ERC2: variants seen among roughly 807,000 people sequenced by gnomAD.
ERC2 encodes the protein ELKS/RAB6-interacting/CAST family member 2.
Under a neutral mutation model 114.8 loss-of-function variants are expected in ERC2, and 42 were observed. The observed-to-expected ratio is 0.37, with a 90% confidence interval of 0.29 to 0.47. ERC2 has a LOEUF of 0.47. Ranked by LOEUF, ERC2 falls within the 20% of genes least tolerant of loss-of-function variation. The probability of loss-of-function intolerance (pLI) is 0.99; values close to 1 mark genes in which losing one functional copy is unlikely to be tolerated. For missense variants in ERC2, 939 were observed against 1,150.7 expected (o/e 0.82, Z 2.66); for synonymous variants, 454 against 425.5 (o/e 1.07, Z -0.82).
intron 14 of ERC2, among the ~76,000 whole-genome samples, chr3:55,868,798 T>C (rs1195730599): frequency 6.6e-6 from 1 of 152,200 alleles, no homozygotes; most frequent in East Asian, 1.9e-4. Context: ...ATCGTATTAT[T>C]TCAAGTATTG....
intron 3 of ERC2, among the ~76,000 whole-genome samples, chr3:56,198,245 C>T (rs2048219705): frequency 6.6e-6 from 1 of 152,156 alleles, no homozygotes; most frequent in African/African-American, 2.4e-5. Context: ...AGCTCCTTGC[C>T]CTAGAAATTC....
chr3:56,032,945 A>C (rs1426796289), intron 7 of ERC2, among the ~76,000 whole-genome samples: 1,144 of 89,802 alleles, frequency 0.013, 56 homozygotes, highest in Non-Finnish European at 0.015. Context: ...GAAAGAAAGA[A>C]AGAAAGAAAG....
At chr3:55,944,039 C>T (rs994755720) in intron 13 of ERC2, among the ~76,000 whole-genome samples, 56 of 152,104 alleles carry the variant, frequency 3.7e-4, no homozygotes, top group African/African-American at 1.3e-3. Flanking sequence ...AATAGGATAA[C>T]GTCTAAAAAA....
chr3:56,142,012 T>G (rs1342871079), intron 5 of ERC2, among the ~76,000 whole-genome samples: 1 of 152,226 alleles, frequency 6.6e-6, no homozygotes. Flanking sequence ...TTGGAATTTT[T>G]TTTTTACACT....
chr3:55,563,780 G>T (rs2107491928), intron 17 of ERC2, among the ~76,000 whole-genome samples: 1 of 148,932 alleles, frequency 6.7e-6, no homozygotes, highest in Middle Eastern at 3.4e-3. Flanking sequence ...TAGAGAGATA[G>T]ACAGAGACAG....
rs1158730928 is a variant in ERC2 at position 55,683,941 on chromosome 3, A to G, written c.2848-82T>C. The G allele has an allele frequency of 2.0e-6, 3 of 1,470,188 alleles. No homozygotes were observed. The African/African-American group carries it at 4.3e-5, about 21-fold the overall frequency. The allele number at this position is 1,470,188 out of a possible 1,614,324, so 91.1% of individuals were successfully genotyped here. ...AGAAGAGAAGGTTAGTTACACCGAG[A>G]TGCACTGGAAAGGCACACTAATCTT... On this transcript the variant is annotated intron_variant, in intron 16 of 17. Coordinates refer to ENST00000288221, the MANE Select transcript of ERC2 (RefSeq NM_015576.3).
At chr3:56,328,002 C>T (rs2057443511) in intron 2 of ERC2, among the ~76,000 whole-genome samples, 1 of 152,188 alleles carries the variant, frequency 6.6e-6, no homozygotes. Flanking sequence ...TGAATAAGGT[C>T]TAGCCTTCAT....
intron 15 of ERC2, among the ~76,000 whole-genome samples, chr3:55,717,182 G>GGC (rs2064174360): frequency 1.3e-5 from 2 of 152,182 alleles, no homozygotes; most frequent in Admixed American, 1.3e-4. Flanking sequence ...TTTAAAGACT[G>GGC]TGCCTTGAGA....
intron 2 of ERC2, among the ~76,000 whole-genome samples, chr3:56,389,664 G>A (rs891018201): frequency 3.3e-5 from 5 of 152,202 alleles, no homozygotes; most frequent in Admixed American, 3.3e-4. Context: ...ACTTCAGCTA[G>A]AGTCAGTGGA....
intron 2 of ERC2, among the ~76,000 whole-genome samples, chr3:56,412,307 C>T (rs2060972142): frequency 6.6e-6 from 1 of 152,220 alleles, no homozygotes; most frequent in African/African-American, 2.4e-5. Context: ...CTTCTGGCCT[C>T]CACAAACTGT....
intron 16 of ERC2, among the ~76,000 whole-genome samples, chr3:55,690,607 A>G (rs2062591596): frequency 6.6e-6 from 1 of 152,190 alleles, no homozygotes; most frequent in African/African-American, 2.4e-5. Flanking sequence ...AATACTGCAA[A>G]CAAGGTGTAA....
chr3:56,154,877 T>C (rs762720985), intron 4 of ERC2, among the ~76,000 whole-genome samples: 8 of 152,144 alleles, frequency 5.3e-5, no homozygotes, highest in Non-Finnish European at 8.8e-5. Context: ...CCAAAAACAA[T>C]GTAGTAAGTC....
At chr3:55,903,114 A>G (rs2149348569) in intron 13 of ERC2, among the ~76,000 whole-genome samples, 1 of 152,342 alleles carries the variant, frequency 6.6e-6, no homozygotes, top group Admixed American at 6.5e-5. Flanking sequence ...ATATTCACCT[A>G]TTAAACTCCA....
intron 14 of ERC2, among the ~76,000 whole-genome samples, chr3:55,798,530 G>A (rs747884083): frequency 2.2e-4 from 34 of 151,850 alleles, no homozygotes; most frequent in African/African-American, 5.6e-4. Flanking sequence ...CTTGGGAGGC[G>A]GAGGTTGCAG....
At chr3:56,241,290 A>G (rs1251503367) in intron 3 of ERC2, among the ~76,000 whole-genome samples, 1 of 152,218 alleles carries the variant, frequency 6.6e-6, no homozygotes, top group Non-Finnish European at 1.5e-5. Flanking sequence ...ACACATGAAA[A>G]AAATGCTCAA....
In ERC2 at chr3:55,596,882, T is replaced by C. The variant is rs187167944; in HGVS notation, c.*40-85606A>G. Among the ~76,000 whole-genome samples, 7 of 152,346 alleles carry C rather than the reference T, an allele frequency of 4.6e-5. No homozygotes were observed. In the East Asian group the frequency reaches 1.3e-3, roughly 29 times the overall value. On this transcript the variant is annotated intron_variant, in intron 17 of 17. Transcript: ENST00000288221. ...TCCATAATGATTATGAGGATTTTAATGCTTATCTCTCAGAAACTGAGCAGT... is the reference window on the plus strand; with the variant it reads ...TCCATAATGATTATGAGGATTTTAACGCTTATCTCTCAGAAACTGAGCAGT...
At position 56,355,550 on chromosome 3, in the gene ERC2, G is replaced by A. The variant is rs182661758; in HGVS notation, c.658-59115C>T. Among the ~76,000 whole-genome samples the A allele has an allele frequency of 1.6e-3, 236 of 152,064 alleles. 1 individual carries two copies. The highest frequency in any genetic ancestry group is 2.7e-3 in the Non-Finnish European group (181 of 67,982). ...TGGTCTTGAATTTCTGCACTCAAGC[G>A]ATCCTCCTGTCTCAGCCTCCCACAG... is the stretch of plus-strand genomic sequence containing the variant. On this transcript the variant is annotated intron_variant, in intron 2 of 17. Transcript: ENST00000288221.
At chr3:56,170,910 G>A (rs1347866602) in intron 4 of ERC2, among the ~76,000 whole-genome samples, 9 of 151,796 alleles carry the variant, frequency 5.9e-5, no homozygotes, top group East Asian at 3.9e-4. Flanking sequence ...GACTACAGGC[G>A]CGTGCCACCA....
rs766499813 is a variant in ERC2, at chr3:56,131,339, T to A, written c.1473+8170A>T. The stretch of plus-strand genomic sequence containing the variant: ...AATGACACCAGGGCTTTGTTTTGTA[T>A]ATATATTTTTCTTTTACCAAGTCCC... On this transcript the variant is annotated intron_variant, in intron 6 of 17. Coordinates refer to ENST00000288221, the MANE Select transcript of ERC2 (RefSeq NM_015576.3). Among the ~76,000 whole-genome samples, 27 of 152,332 alleles carry A rather than the reference T, an allele frequency of 1.8e-4. 1 individual carries two copies. Among genetic ancestry groups the A allele is most frequent in the Admixed American group, 2.0e-4 (3 of 15,292 alleles).
Sources: gnomAD v4.1 joint callset for allele counts (sites outside exome capture counted in the v4.1 genomes callset) on GRCh38, gnomAD v4.1.1 for gene constraint, MANE v1.5 for transcripts, NCBI Gene and HGNC (gene_info 2026-07-23, HGNC 2026-07-21) for gene names.